RANBP17: variants seen among roughly 807,000 people sequenced by gnomAD.
RANBP17 encodes the protein RAN binding protein 17.
Under a neutral mutation model 141.2 loss-of-function variants are expected in RANBP17, and 158 were observed. The observed-to-expected ratio is 1.12, with a 90% confidence interval of 0.98 to 1.28. The LOEUF (loss-of-function observed/expected upper bound fraction) is 1.28. RANBP17 is among the 50% of genes most tolerant of loss of function. The pLI is 0.00. For missense variants in RANBP17, 1,438 were observed against 1,290.7 expected (o/e 1.11, Z -1.75); for synonymous variants, 430 against 450.0 (o/e 0.96, Z 0.56).
intron 22 of RANBP17, among the ~76,000 whole-genome samples, chr5:171,240,673 G>A (rs568134414): frequency 1.3e-5 from 2 of 152,220 alleles, no homozygotes; most frequent in East Asian, 3.9e-4. Context: ...GTATACATCT[G>A]TGTAATCACC....
At chr5:171,202,078 T>C (rs1762328658) in intron 19 of RANBP17, among the ~76,000 whole-genome samples, 1 of 152,180 alleles carries the variant, frequency 6.6e-6, no homozygotes, top group South Asian at 2.1e-4. Context: ...AGGATAAACT[T>C]AAACATTAAG....
At position 170,919,701 on chromosome 5, in the gene RANBP17, T is replaced by A. The variant is rs1259976667; in HGVS notation, c.1274+88T>A. On this transcript the variant is annotated intron_variant, in intron 11 of 27. Transcript: ENST00000523189. ...AGTTATAAATTTAAAATTCACCCCT[T>A]TTAGCGTACAGTTGTATGATTTCTG... 3.1e-6 allele frequency: 3 copies of A among 982,162 alleles called. No homozygotes were observed. The Admixed American group carries it at 7.8e-5, about 26-fold the overall frequency. 60.8% of individuals were successfully genotyped at this position (982,162 alleles called of 1,614,324 possible).
chr5:171,111,420 T>C (rs1755223492), intron 14 of RANBP17, among the ~76,000 whole-genome samples: 1 of 152,190 alleles, frequency 6.6e-6, no homozygotes, highest in South Asian at 2.1e-4. Flanking sequence ...TCTTTTCCCT[T>C]CTGCCACAAT....
At chr5:171,223,397 G>T (rs1399192612) in intron 22 of RANBP17, among the ~76,000 whole-genome samples, 1 of 152,156 alleles carries the variant, frequency 6.6e-6, no homozygotes, top group East Asian at 1.9e-4. Flanking sequence ...ACTTTGGGAG[G>T]CCAGGGCGGG....
At chr5:171,088,750 C>T (rs1280142965) in intron 14 of RANBP17, among the ~76,000 whole-genome samples, 5 of 152,118 alleles carry the variant, frequency 3.3e-5, no homozygotes, top group Admixed American at 6.5e-5. Flanking sequence ...TCCAGTTGAT[C>T]GCATCGGCTC....
intron 22 of RANBP17, among the ~76,000 whole-genome samples, chr5:171,238,478 A>G (rs1216731869): frequency 6.6e-6 from 1 of 152,160 alleles, no homozygotes; most frequent in Non-Finnish European, 1.5e-5. Context: ...TTGCTACAGA[A>G]TATAGGACCT....
intron 14 of RANBP17, among the ~76,000 whole-genome samples, chr5:171,098,885 A>G (rs983645956): frequency 1.6e-4 from 24 of 152,186 alleles, no homozygotes; most frequent in Non-Finnish European, 3.2e-4. Context: ...TTCTTTCCCC[A>G]TTGCTTGTTT....
At chr5:171,083,425 C>T (rs1785389475) in intron 14 of RANBP17, among the ~76,000 whole-genome samples, 1 of 152,174 alleles carries the variant, frequency 6.6e-6, no homozygotes, top group South Asian at 2.1e-4. Flanking sequence ...TTATATTGGA[C>T]TTCCAATCTT....
At chr5:170,878,722 A>G (rs1337516357) in intron 2 of RANBP17, among the ~76,000 whole-genome samples, 1 of 152,174 alleles carries the variant, frequency 6.6e-6, no homozygotes, top group Non-Finnish European at 1.5e-5. Context: ...TGTACTGCTT[A>G]CTTGATTTAT....
At chr5:171,106,834 T>C (rs1754875037) in intron 14 of RANBP17, among the ~76,000 whole-genome samples, 1 of 152,094 alleles carries the variant, frequency 6.6e-6, no homozygotes, top group Non-Finnish European at 1.5e-5. Context: ...TTGCAAAATA[T>C]TGCTAATCAC....
At chr5:171,012,961 G>C (rs557689949) in intron 14 of RANBP17, among the ~76,000 whole-genome samples, 1 of 152,214 alleles carries the variant, frequency 6.6e-6, no homozygotes, top group Non-Finnish European at 1.5e-5. Flanking sequence ...TTGTTCATCT[G>C]TCAGCTTTTC....
chr5:171,055,357 G>T (rs925878775), intron 14 of RANBP17, among the ~76,000 whole-genome samples: 2 of 152,066 alleles, frequency 1.3e-5, no homozygotes, highest in South Asian at 4.2e-4. Flanking sequence ...TGTACTAACA[G>T]GTGTACCATA....
intron 14 of RANBP17, among the ~76,000 whole-genome samples, chr5:171,128,376 C>A (rs1040990691): frequency 2.6e-5 from 4 of 151,942 alleles, no homozygotes; most frequent in African/African-American, 7.3e-5. Context: ...TTAGATGAAA[C>A]TGGAGGTCAT....
chr5:171,230,869 G>A (rs561279621), intron 22 of RANBP17, among the ~76,000 whole-genome samples: 42 of 152,124 alleles, frequency 2.8e-4, no homozygotes, highest in Admixed American at 7.9e-4. Context: ...CTTTGATAGC[G>A]TTGTGGTAGG....
intron 16 of RANBP17, among the ~76,000 whole-genome samples, chr5:171,179,013 G>A (rs1357372588): frequency 1.3e-5 from 2 of 152,156 alleles, no homozygotes; most frequent in Non-Finnish European, 2.9e-5. Flanking sequence ...CTGTGCAGAA[G>A]CTCTTTCATT....
chr5:171,253,092 C>T (rs1765680055), intron 24 of RANBP17: 1 of 702,782 alleles, frequency 1.4e-6, no homozygotes, highest in Admixed American at 2.3e-5. Context: ...GCAGGAAGCT[C>T]TGGGGGCAGT....
At chr5:171,040,407 C>A (rs1782180471) in intron 14 of RANBP17, among the ~76,000 whole-genome samples, 1 of 152,148 alleles carries the variant, frequency 6.6e-6, no homozygotes, top group African/African-American at 2.4e-5. Flanking sequence ...GTTTTTACTG[C>A]TGGCATAAAT....
At chr5:170,894,177 T>A (rs949726340) in intron 4 of RANBP17, among the ~76,000 whole-genome samples, 1 of 152,106 alleles carries the variant, frequency 6.6e-6, no homozygotes, top group Non-Finnish European at 1.5e-5. Flanking sequence ...CACTTCAGAG[T>A]TGCATTTGTA....
At chr5:171,139,636 C>T (rs564862036) in intron 14 of RANBP17, among the ~76,000 whole-genome samples, 1 of 152,222 alleles carries the variant, frequency 6.6e-6, no homozygotes, top group South Asian at 2.1e-4. Context: ...AAATATGTCA[C>T]CAATCTATCT....
Sources: allele counts gnomAD v4.1 joint callset (sites outside exome capture counted in the v4.1 genomes callset), GRCh38; gene constraint gnomAD v4.1.1; transcripts MANE v1.5; gene names NCBI Gene and HGNC (gene_info 2026-07-23, HGNC 2026-07-21).